The following CSMD1 variants were observed in gnomAD, a reference collection of about 807,000 sequenced individuals.
The protein encoded by CSMD1 is CUB and sushi domain-containing protein 1.
In CSMD1, 213 loss-of-function variants were observed where a neutral mutation model predicts 417.5. The observed-to-expected ratio is 0.51, with a 90% CI of 0.46 to 0.57. The LOEUF (loss-of-function observed/expected upper bound fraction) is 0.57, where lower values mean the gene tolerates loss of function less well. Among genes scored for constraint, CSMD1 ranks in the 20% least tolerant of loss-of-function variants. The pLI is 0.00. For synonymous variants in CSMD1, 2,862 were observed against 1,736.8 expected (o/e 1.65, Z -16.11); for missense variants, 6,923 against 4,529.7 (o/e 1.53, Z -15.17).
chr8:4,846,952 T>A (rs1424861562), intron 1 of CSMD1, among the ~76,000 whole-genome samples: 1 of 152,160 alleles, frequency 6.6e-6, no homozygotes, highest in Admixed American at 6.5e-5. Context: ...GAGAAAAAGA[T>A]TATGTAGTGA....
intron 1 of CSMD1, among the ~76,000 whole-genome samples, chr8:4,962,040 G>T (rs1049503882): frequency 2.7e-5 from 4 of 150,786 alleles, no homozygotes; most frequent in Admixed American, 1.3e-4. Flanking sequence ...CTTTGGGAAG[G>T]TTTTTTTGAT....
chr8:3,671,548 CATATATATGATCATATAT>C lies in CSMD1; in HGVS notation c.1009+36848_1009+36865del, dbSNP rs1563257030. Reference sequence around the variant, plus strand: ...ATGATCATATATATATATATATGATCATATATATGATCATATATATATATATATATATATATATATATA... The same window carrying C: ...ATGATCATATATATATATATATGATCATATATATATATATATATATATATA... On this transcript the variant is annotated intron_variant, in intron 7 of 69. Transcript: ENST00000635120. Among the ~76,000 whole-genome samples the C allele has an allele frequency of 2.4e-3, 7 of 2,904 alleles. 1 individual carries two copies. Among genetic ancestry groups the C allele is most frequent in the South Asian group, 0.018 (2 of 110 alleles). The allele number at this position is 2,904 out of a possible 152,430, so 1.9% of individuals were successfully genotyped here.
intron 3 of CSMD1, among the ~76,000 whole-genome samples, chr8:4,112,612 T>C (rs1326237319): frequency 1.3e-5 from 2 of 152,116 alleles, no homozygotes; most frequent in Non-Finnish European, 2.9e-5. Context: ...TGAGGGCTGG[T>C]TCTCAGCAAG....
intron 2 of CSMD1, among the ~76,000 whole-genome samples, chr8:4,432,000 G>C (rs970540010): frequency 1.3e-5 from 2 of 152,102 alleles, no homozygotes; most frequent in African/African-American, 2.4e-5. Context: ...CATTATATTT[G>C]TCAATGTATT....
chr8:3,082,323 C>G (rs540358550), intron 49 of CSMD1, among the ~76,000 whole-genome samples: 1 of 152,204 alleles, frequency 6.6e-6, no homozygotes. Context: ...AGGACAAAAG[C>G]TGAAAGCCAC....
intron 7 of CSMD1, among the ~76,000 whole-genome samples, chr8:3,660,075 A>G (rs1474021074): frequency 6.6e-6 from 1 of 152,250 alleles, no homozygotes; most frequent in Non-Finnish European, 1.5e-5. Flanking sequence ...AGTATAAAAT[A>G]GAAATAAGGT....
intron 4 of CSMD1, 23 bp from the exon 5 acceptor site, chr8:3,998,133 A>C (rs754638013): frequency 1.2e-5 from 18 of 1,541,720 alleles, no homozygotes; most frequent in African/African-American, 9.6e-5. Context: ...AAGCAGAAAG[A>C]AAGCATCACA....
intron 36 of CSMD1, among the ~76,000 whole-genome samples, chr8:3,182,840 A>AGGGGTGTGTGTGTGTGTGTGTGTG (rs746430415): frequency 2.2e-5 from 1 of 45,202 alleles, no homozygotes; most frequent in Non-Finnish European, 3.9e-5. Flanking sequence ...CTTTATAAGA[A>AGGGGTGTGTGTGTGTGTGTGTGTG]GGTGTGTGTG....
intron 1 of CSMD1, among the ~76,000 whole-genome samples, chr8:4,860,285 T>C (rs1802049691): frequency 7.2e-6 from 1 of 138,858 alleles, no homozygotes; most frequent in Non-Finnish European, 1.6e-5. Flanking sequence ...GGGGGAGGGA[T>C]AGCATTAGGA....
At chr8:4,249,887 A>T (rs1018964686) in intron 3 of CSMD1, among the ~76,000 whole-genome samples, 35 of 152,298 alleles carry the variant, frequency 2.3e-4, no homozygotes, top group African/African-American at 8.2e-4. Flanking sequence ...TAAATCCCCA[A>T]TGAGGCAGTG....
intron 41 of CSMD1, among the ~76,000 whole-genome samples, chr8:3,136,171 C>A (rs1160131618): frequency 6.6e-6 from 1 of 151,920 alleles, no homozygotes; most frequent in Non-Finnish European, 1.5e-5. Context: ...AGAATATGAT[C>A]AAGGCTCTAT....
Position 3,409,558 on chromosome 8 carries a change from T to G in CSMD1, c.1609A>C (p.Lys537Gln). ...TGGAGGAAACTGCTGCCCGTCCGCT[T>G]CCCATAGGCGGGGATTCCAGGATCC... ...CGDPGIPAYG[K>Q]RTGSSFLHGD... The change falls in exon 13 of 70, where the codon AAG becomes CAG. Residue 537 changes from lysine to glutamine, a missense_variant. Lys to Gln is a moderately conservative substitution (Grantham distance 53). Transcript: ENST00000635120. 6.2e-7 allele frequency: 1 copy of G among 1,610,680 alleles called. No homozygotes were observed. Among genetic ancestry groups the G allele is most frequent in the Non-Finnish European group, 8.5e-7 (1 of 1,178,440 alleles).
At chr8:3,904,245 C>T (rs560890205) in intron 5 of CSMD1, among the ~76,000 whole-genome samples, 1 of 152,300 alleles carries the variant, frequency 6.6e-6, no homozygotes, top group South Asian at 2.1e-4. Flanking sequence ...AGGGTAGAGA[C>T]GAATAGCACC....
At chr8:4,467,097 T>G (rs1800219247) in intron 2 of CSMD1, among the ~76,000 whole-genome samples, 1 of 143,798 alleles carries the variant, frequency 7.0e-6, no homozygotes, top group Admixed American at 7.1e-5. Flanking sequence ...AATTTCAACT[T>G]AGTCTTGCTC....
intron 5 of CSMD1, among the ~76,000 whole-genome samples, chr8:3,911,475 C>T (rs1808463219): frequency 6.6e-6 from 1 of 150,820 alleles, no homozygotes. Flanking sequence ...CTGCAGTGAG[C>T]CAAGATTGCG....
intron 30 of CSMD1, among the ~76,000 whole-genome samples, chr8:3,206,634 C>G (rs1302636491): frequency 3.2e-5 from 3 of 93,060 alleles, no homozygotes; most frequent in Non-Finnish European, 4.0e-5. Context: ...GGGGTTATGT[C>G]TGTGTGTGTG....
rs997622182 is a variant in CSMD1 at position 3,926,582 on chromosome 8, A to T, written c.818+71321T>A. Among the ~76,000 whole-genome samples the T allele has an allele frequency of 2.0e-5, 3 of 151,686 alleles. No homozygotes were observed. In the Admixed American group the frequency reaches 2.0e-4, roughly 10 times the overall value. On this transcript the variant is annotated intron_variant, in intron 5 of 69. Coordinates refer to ENST00000635120, the MANE Select transcript of CSMD1 (RefSeq NM_033225.6). ...ATTTTTGATGATTATTCTAACATTT[A>T]TTTCTGGTTAATTTTATCAGTTGTT... is the stretch of plus-strand genomic sequence containing the variant.
chr8:3,282,008 C>T (rs549086314), intron 26 of CSMD1, among the ~76,000 whole-genome samples: 2 of 152,316 alleles, frequency 1.3e-5, no homozygotes, highest in South Asian at 2.1e-4. Flanking sequence ...ACTGCTTCCC[C>T]TTTACCTTCT....
Position 4,144,343 on chromosome 8 carries a change from C to T in CSMD1, c.416-112244G>A, listed in dbSNP as rs144668316. ...TGGCCATATTCATTCTACTTCTCTT[C>T]TTTCTTCTGTAATTTTCTGATAAGG... On this transcript the variant is annotated intron_variant, in intron 3 of 69. Transcript: ENST00000635120. Among the ~76,000 whole-genome samples, 446 of 151,198 alleles carry T rather than the reference C, an allele frequency of 2.9e-3. 25 individuals carry two copies. Among genetic ancestry groups the T allele is most frequent in the African/African-American group, 9.9e-3 (402 of 40,510 alleles).
Sources: allele counts gnomAD v4.1 joint callset (sites outside exome capture counted in the v4.1 genomes callset), GRCh38; gene constraint gnomAD v4.1.1; transcripts MANE v1.5; gene names NCBI Gene and HGNC (gene_info 2026-07-23, HGNC 2026-07-21).